ME3: variants seen among roughly 807,000 people sequenced by gnomAD.
ME3 encodes malic enzyme 3.
ME3 carries 48 observed loss-of-function variants against 68.9 expected under a neutral mutation model. The observed-to-expected ratio is 0.70, with a 90% CI of 0.55 to 0.89. The LOEUF is 0.89. Among genes scored for constraint, ME3 ranks in the 40% least tolerant of loss-of-function variants. The pLI is 0.00. For synonymous variants in ME3, 320 were observed against 318.8 expected (o/e 1.00, Z -0.04); for missense variants, 675 against 797.4 (o/e 0.85, Z 1.85).
chr11:86,584,956 C>T (rs1275174391), intron 2 of ME3, among the ~76,000 whole-genome samples: 2 of 152,050 alleles, frequency 1.3e-5, no homozygotes, highest in African/African-American at 4.8e-5. Flanking sequence ...GTTCTCACCA[C>T]AGTGAAAAAA....
intron 2 of ME3, among the ~76,000 whole-genome samples, chr11:86,617,313 A>G (rs562667930): frequency 9.2e-5 from 14 of 152,046 alleles, no homozygotes; most frequent in African/African-American, 3.4e-4. Context: ...TGTAAGCCAT[A>G]TGTTTATTTT....
At chr11:86,660,578 G>A (rs1369162668) in intron 2 of ME3, among the ~76,000 whole-genome samples, 1 of 152,176 alleles carries the variant, frequency 6.6e-6, no homozygotes, top group Non-Finnish European at 1.5e-5. Context: ...TGTTCTGAGT[G>A]TAATTCCCTC....
chr11:86,527,460 A>T (rs1954848047), intron 4 of ME3, among the ~76,000 whole-genome samples: 1 of 152,200 alleles, frequency 6.6e-6, no homozygotes, highest in South Asian at 2.1e-4. Flanking sequence ...TATACATGAG[A>T]ACTTCCCCAA....
chr11:86,531,997 A>C (rs1045025923), intron 4 of ME3, among the ~76,000 whole-genome samples: 15 of 151,972 alleles, frequency 9.9e-5, no homozygotes, highest in Non-Finnish European at 1.9e-4. Flanking sequence ...CAAACCAAAA[A>C]AAAACCAGAA....
At chr11:86,438,388 A>C (rs1948909114), downstream of ME3, among the ~76,000 whole-genome samples, 1 of 151,966 alleles carries the variant, frequency 6.6e-6, no homozygotes, top group Non-Finnish European at 1.5e-5. Flanking sequence ...GTTTGCTAAT[A>C]TTTTGTTTAG....
At chr11:86,636,744 C>T (rs80263016) in intron 2 of ME3, among the ~76,000 whole-genome samples, 18,015 of 152,252 alleles carry the variant, frequency 0.12, 1,546 homozygotes, top group East Asian at 0.4. Flanking sequence ...TTCTCAAATC[C>T]TCAGTTTCTT....
chr11:86,474,384 T>G (rs1441187780), intron 7 of ME3, among the ~76,000 whole-genome samples: 1 of 152,198 alleles, frequency 6.6e-6, no homozygotes, highest in East Asian at 1.9e-4. Flanking sequence ...CCTGTTTGTC[T>G]GAGTTCCGGG....
chr11:86,462,539 G>A (rs1950272463), intron 8 of ME3: 11 of 1,212,292 alleles, frequency 9.1e-6, no homozygotes, highest in Non-Finnish European at 1.2e-5. Context: ...GGCTGCAGGG[G>A]CAGGTGTCCA....
chr11:86,635,322 G>T (rs542618853), intron 2 of ME3, among the ~76,000 whole-genome samples: 1 of 152,190 alleles, frequency 6.6e-6, no homozygotes, highest in African/African-American at 2.4e-5. Flanking sequence ...ACGTGAGGAC[G>T]CCGTGAGAAT....
At chr11:86,524,526 T>G (rs533886641) in intron 4 of ME3, among the ~76,000 whole-genome samples, 56 of 152,308 alleles carry the variant, frequency 3.7e-4, no homozygotes, top group African/African-American at 1.3e-3. Context: ...AAAGCTGAAA[T>G]TGTAAAAGCT....
At position 86,541,294 on chromosome 11, in the gene ME3, A is replaced by G. The variant is rs117547372; in HGVS notation, c.467+15259T>C. 9.9e-3 allele frequency among the ~76,000 whole-genome samples: 1,499 copies of G among 151,950 alleles called. 12 individuals carry two copies. Among genetic ancestry groups the G allele is most frequent in the Non-Finnish European group, 0.016 (1,085 of 67,952 alleles). On this transcript the variant is annotated intron_variant, in intron 4 of 14. Transcript: ENST00000543262. The stretch of plus-strand genomic sequence containing the variant: ...GCCTGGAGTATGAAACACCAGTGAG[A>G]GAACCGTTCACTTGCCTGGAAAGGG...
chr11:86,603,196 T>C (rs1961012441), intron 2 of ME3, among the ~76,000 whole-genome samples: 1 of 152,010 alleles, frequency 6.6e-6, no homozygotes, highest in African/African-American at 2.4e-5. Context: ...CGCAACCTAC[T>C]CATCTGACAA....
At chr11:86,567,786 A>T (rs1279375533) in intron 2 of ME3, among the ~76,000 whole-genome samples, 1 of 152,252 alleles carries the variant, frequency 6.6e-6, no homozygotes, top group Non-Finnish European at 1.5e-5. Context: ...AAATGAAGGC[A>T]CTGTAGTTGC....
rs80102152 is a variant in ME3, at chr11:86,584,017, A to G, written c.184-24194T>C. Among the ~76,000 whole-genome samples the G allele has an allele frequency of 5.1e-3, 774 of 152,342 alleles. 7 individuals carry two copies. The highest frequency in any genetic ancestry group is 0.018 in the African/African-American group (746 of 41,568). On this transcript the variant is annotated intron_variant, in intron 2 of 14. Transcript: ENST00000543262. ...GCACAGCAAAGAAAACAATCCACAG[A>G]GTGAAAAGGCAACCTACAGAATGGG...
At position 86,508,790 on chromosome 11, in the gene ME3, A is replaced by G; in HGVS notation, c.543+2T>C. Reference sequence around the variant, plus strand: ...TAAATAGCAATGAAAACGGGATCATACCTTAATATTGTCTTCTGGCCAAGA... The same window carrying G: ...TAAATAGCAATGAAAACGGGATCATGCCTTAATATTGTCTTCTGGCCAAGA... On this transcript the variant is annotated splice_donor_variant, in intron 5 of 14. Transcript: ENST00000543262. LOFTEE classifies it high-confidence loss of function. The G allele has an allele frequency of 1.9e-6, 3 of 1,608,040 alleles. No individual in the cohort carries two copies. The highest frequency in any genetic ancestry group is 8.5e-7 in the Non-Finnish European group (1 of 1,174,478).
At chr11:86,454,743 G>A (rs558787865) in intron 8 of ME3, among the ~76,000 whole-genome samples, 24 of 152,338 alleles carry the variant, frequency 1.6e-4, no homozygotes, top group Non-Finnish European at 2.4e-4. Flanking sequence ...CATTGAGTTG[G>A]CTGGAAGGAA....
intron 2 of ME3, among the ~76,000 whole-genome samples, chr11:86,560,734 G>GTATATATATATATA (rs1957173032): frequency 5.5e-5 from 3 of 54,098 alleles, no homozygotes; most frequent in Non-Finnish European, 1.3e-4. Context: ...GTATGTGTGT[G>GTATATATATATATA]TGTGTGTGTG....
intron 4 of ME3, among the ~76,000 whole-genome samples, chr11:86,540,319 A>G (rs1286522831): frequency 6.6e-6 from 1 of 152,138 alleles, no homozygotes; most frequent in Non-Finnish European, 1.5e-5. Flanking sequence ...CCACCACTGG[A>G]ACAGTGGTTC....
At chr11:86,671,149 G>A (rs1279550854) in intron 2 of ME3, among the ~76,000 whole-genome samples, 2 of 152,236 alleles carry the variant, frequency 1.3e-5, no homozygotes, top group Non-Finnish European at 2.9e-5. Context: ...CCTTGGGCAA[G>A]TTTCCTTTGT....
Sources: gnomAD v4.1 joint callset for allele counts (sites outside exome capture counted in the v4.1 genomes callset) on GRCh38, gnomAD v4.1.1 for gene constraint, MANE v1.5 for transcripts, NCBI Gene and HGNC (gene_info 2026-07-23, HGNC 2026-07-21) for gene names.